Variants in COL4A3 observed in about 807,000 individuals in gnomAD.
COL4A3 encodes the protein collagen alpha-3(IV) chain.
In COL4A3, 135 loss-of-function variants were observed where a neutral mutation model predicts 217.4. The observed-to-expected ratio is 0.62, with a 90% CI of 0.54 to 0.72. COL4A3 has a LOEUF of 0.72. Ranked by LOEUF, COL4A3 falls within the 30% of genes least tolerant of loss-of-function variation. The probability of loss-of-function intolerance (pLI) is 0.00; values close to 1 mark genes in which losing one functional copy is unlikely to be tolerated. For synonymous variants in COL4A3, 690 were observed against 736.3 expected, an observed-to-expected ratio of 0.94 and a Z score of 1.02; for missense variants, 1,868 against 2,119.9, an observed-to-expected ratio of 0.88 and a Z score of 2.33.
At chr2:227,307,658 C>A in intron 47 of COL4A3, 52 bp from the exon 48 acceptor site, 2 of 1,463,884 alleles carry the variant, frequency 1.4e-6, no homozygotes, top group Non-Finnish European at 1.9e-6. Flanking sequence ...TTTGAAAAAA[C>A]GAGTTTAAGA....
chr2:227,226,124 T>A (rs914630676), intron 1 of COL4A3, among the ~76,000 whole-genome samples: 1 of 152,132 alleles, frequency 6.6e-6, no homozygotes, highest in Non-Finnish European at 1.5e-5. Context: ...GGTGGGTGAT[T>A]GTGTTGGTTT....
At chr2:227,268,853 C>T (rs923881585) in intron 23 of COL4A3, 2 of 152,136 alleles carry the variant, frequency 1.3e-5, no homozygotes, top group East Asian at 3.8e-4. Flanking sequence ...TCATTATTTT[C>T]CTATACTCTC....
chr2:227,255,847 G>A (rs1490010720), intron 15 of COL4A3, among the ~76,000 whole-genome samples, 179 bp from the exon 16 acceptor site: 2 of 152,160 alleles, frequency 1.3e-5, no homozygotes, highest in African/African-American at 4.8e-5. Context: ...CCTGGAAAGA[G>A]AGGGCCATTG....
chr2:227,206,137 G>A (rs546580489), intron 1 of COL4A3, among the ~76,000 whole-genome samples: 1 of 151,914 alleles, frequency 6.6e-6, no homozygotes, highest in Non-Finnish European at 1.5e-5. Context: ...GCAGTGGTGC[G>A]ATCTCAGCTC....
intron 1 of COL4A3, among the ~76,000 whole-genome samples, chr2:227,232,118 T>G (rs1469060680): frequency 6.6e-6 from 1 of 152,232 alleles, no homozygotes; most frequent in African/African-American, 2.4e-5. Flanking sequence ...GTTCCATCCA[T>G]GTCGTTGCAA....
At chr2:227,174,798 C>T (rs902574070) in intron 1 of COL4A3, among the ~76,000 whole-genome samples, 8 of 152,162 alleles carry the variant, frequency 5.3e-5, no homozygotes, top group South Asian at 2.1e-4. Context: ...TGAGCCCCTG[C>T]ACCCGGCCTA....
intron 37 of COL4A3, 46 bp from the exon 38 acceptor site, chr2:227,293,145 T>C: frequency 6.2e-7 from 1 of 1,612,284 alleles, no homozygotes; most frequent in South Asian, 1.1e-5. Context: ...TCTTACCACA[T>C]ATCCTGCTTA....
Position 227,254,658 on chromosome 2 carries a change from A to G in COL4A3, c.831A>G (p.Gly277=). The G allele has an allele frequency of 6.2e-7, 1 of 1,611,068 alleles. No homozygotes were observed. The highest frequency in any genetic ancestry group is 8.5e-7 in the Non-Finnish European group (1 of 1,177,242). Residue 277 remains glycine (G), a splice_region_variant and synonymous_variant, in exon 15 of 52, where the codon GGA becomes GGG. Transcript: ENST00000396578. ...TGACATGGCTCTAATTAATACAGGG[A>G]CTGCCTGGAGAATCATATGGATCTG... The part of the protein sequence containing the change: ...MGEPGPPGPS[G]LPGESYGSEK...
chr2:227,251,066 C>A (rs1044680949), intron 9 of COL4A3, 74 bp from the exon 10 acceptor site: 2 of 1,061,498 alleles, frequency 1.9e-6, no homozygotes, highest in Admixed American at 1.7e-5. Context: ...TATTTTAATG[C>A]ATTTAATTAA....
chr2:227,283,396 T>C (rs371239764), intron 32 of COL4A3, among the ~76,000 whole-genome samples: 1 of 152,194 alleles, frequency 6.6e-6, no homozygotes, highest in Non-Finnish European at 1.5e-5. Flanking sequence ...CTTCTCATAG[T>C]AGAGGATCAA....
chr2:227,220,179 C>A (rs1438479633), intron 1 of COL4A3, among the ~76,000 whole-genome samples: 1 of 100,188 alleles, frequency 1.0e-5, no homozygotes, highest in Non-Finnish European at 1.9e-5. Context: ...AGAGACAAAG[C>A]CTTTTTTTTT....
At chr2:227,205,650 A>G (rs2067073605) in intron 1 of COL4A3, among the ~76,000 whole-genome samples, 2 of 152,212 alleles carry the variant, frequency 1.3e-5, no homozygotes, top group Non-Finnish European at 2.9e-5. Context: ...CAATAATAGT[A>G]TTACATTCCT....
At chr2:227,233,162 C>T (rs993433383) in intron 1 of COL4A3, among the ~76,000 whole-genome samples, 1 of 152,034 alleles carries the variant, frequency 6.6e-6, no homozygotes, top group Non-Finnish European at 1.5e-5. Flanking sequence ...TACAGGCATG[C>T]ACCACCAAAC....
intron 15 of COL4A3, 48 bp downstream of exon 15, chr2:227,254,763 T>C (rs1227823026): frequency 7.5e-7 from 1 of 1,329,764 alleles, no homozygotes; most frequent in Non-Finnish European, 1.1e-6. Flanking sequence ...TAGTCAGGAC[T>C]TGGGACTCTT....
Position 227,273,114 on chromosome 2 carries a change from G to C in COL4A3, c.1924G>C (p.Ala642Pro), listed in dbSNP as rs2071342518. The change falls in exon 26 of 52, where the codon GCC (alanine) becomes CCC (proline). Residue 642 changes from alanine (A) to proline (P), a missense_variant. By Grantham distance (27) the Ala-to-Pro change is conservative. This residue lies in a region of COL4A3 where 1,503 missense variants were observed against 1,786.1 expected (regional missense o/e 0.84). Transcript: ENST00000396578. ...TGGAGCCCCCGGACCACCCGGAGAA[G>C]CCGGTTGGTTAGTTTTCTTTCCAGT... The part of the protein sequence containing the change: ...VPGAPGPPGE[A>P]GPRGELSVST... 1 of 1,613,364 alleles carries C rather than the reference G, an allele frequency of 6.2e-7. No homozygotes were observed. Among genetic ancestry groups the C allele is most frequent in the African/African-American group, 1.3e-5 (1 of 74,910 alleles).
At position 227,246,886 on chromosome 2, in the gene COL4A3, A is replaced by G. The variant is rs1175029980; in HGVS notation, c.441+148A>G. 3 of 773,746 alleles carry G rather than the reference A, an allele frequency of 3.9e-6. No homozygotes were observed. In the African/African-American group the frequency reaches 5.1e-5, roughly 13 times the overall value. 47.9% of individuals were successfully genotyped at this position (773,746 alleles called of 1,614,324 possible). ...CATTCAACTAATAGTTAGGGAATGG[A>G]TGAATACATGCATTATGAGTGTAGG... On this transcript the variant is annotated intron_variant, in intron 7 of 51. Transcript: ENST00000396578.
chr2:227,229,666 G>T (rs10221801), intron 1 of COL4A3, among the ~76,000 whole-genome samples: 48,752 of 152,046 alleles, frequency 0.32, 8,249 homozygotes, highest in Non-Finnish European at 0.36. Flanking sequence ...GTACCAGGCA[G>T]GCTAGTGACA....
chr2:227,311,951 T>G lies in COL4A3; in HGVS notation c.*81T>G, dbSNP rs1433798088. The G allele has an allele frequency of 1.3e-6, 2 of 1,578,266 alleles. No homozygotes were observed. Among genetic ancestry groups the G allele is most frequent in the Non-Finnish European group, 8.6e-7 (1 of 1,159,224 alleles). Reference sequence around the variant, plus strand: ...AGAACATGCTGTTATTTAGGTATTTTTCTTTAACCAAACAATATTGCTCCA... The same window carrying G: ...AGAACATGCTGTTATTTAGGTATTTGTCTTTAACCAAACAATATTGCTCCA... On this transcript the variant is annotated 3_prime_UTR_variant, in exon 52 of 52. Coordinates refer to ENST00000396578, the MANE Select transcript of COL4A3 (RefSeq NM_000091.5).
At position 227,294,944 on chromosome 2, in the gene COL4A3, G is replaced by GT. The variant is rs35803812; in HGVS notation, c.3419-4dup. On this transcript the variant is annotated intron_variant, in intron 39 of 51. Coordinates refer to ENST00000396578, the MANE Select transcript of COL4A3 (RefSeq NM_000091.5). ...GTATACCATAGTTTGGGGTTTTTGG[G>GT]TTTTTTTTTTTTTTTTCAGGTCTTC... The GT allele has an allele frequency of 6.6e-3, 8,995 of 1,359,468 alleles. 1 individual carries two copies. Among genetic ancestry groups the GT allele is most frequent in the African/African-American group, 0.014 (969 of 67,216 alleles). The allele number at this position is 1,359,468 out of a possible 1,614,324, so 84.2% of individuals were successfully genotyped here.
Sources: allele counts gnomAD v4.1 joint callset (sites outside exome capture counted in the v4.1 genomes callset), GRCh38; gene constraint gnomAD v4.1.1; regional missense constraint gnomAD v4.1.1; transcripts MANE v1.5; gene names NCBI Gene and HGNC (gene_info 2026-07-23, HGNC 2026-07-21).